Variants in DDC observed in about 807,000 individuals in gnomAD.
DDC encodes the protein aromatic-L-amino-acid decarboxylase.
In DDC, 43 loss-of-function variants were observed where a neutral mutation model predicts 60.0. The observed-to-expected ratio is 0.72, with a 90% CI of 0.56 to 0.92. DDC has a LOEUF of 0.92. Among genes scored for constraint, DDC ranks in the 40% least tolerant of loss-of-function variants. DDC has a pLI of 0.00. For missense variants in DDC, 573 were observed against 620.2 expected, an observed-to-expected ratio of 0.92 and a Z score of 0.81; for synonymous variants, 232 against 234.6, an observed-to-expected ratio of 0.99 and a Z score of 0.10.
chr7:50,556,324 C>T (rs531707432), intron 1 of DDC, among the ~76,000 whole-genome samples: 72 of 152,122 alleles, frequency 4.7e-4, no homozygotes, highest in Non-Finnish European at 8.2e-4. Context: ...ATAGACATAG[C>T]CTTCTCTCTA....
At chr7:50,492,071 C>T (rs897232694) in intron 9 of DDC, among the ~76,000 whole-genome samples, 9 of 110,566 alleles carry the variant, frequency 8.1e-5, no homozygotes, top group African/African-American at 2.6e-4. Flanking sequence ...GAAGGAAGAC[C>T]ATGTGAGGAC....
chr7:50,471,769 C>A lies in DDC; in HGVS notation c.1042-1598G>T, dbSNP rs1361889860. On this transcript the variant is annotated intron_variant, in intron 11 of 14. Coordinates refer to ENST00000444124, the MANE Select transcript of DDC (RefSeq NM_001082971.2). ...TCAGCACTGTTTGCAAGCTGTTGGG[C>A]TGCTCAAGAACTAAGCTAACTTGTC... is the stretch of plus-strand genomic sequence containing the variant. 2.0e-5 allele frequency among the ~76,000 whole-genome samples: 3 copies of A among 152,118 alleles called. No homozygotes were observed. In the East Asian group the frequency reaches 5.8e-4, roughly 29 times the overall value.
intron 6 of DDC, among the ~76,000 whole-genome samples, chr7:50,510,967 C>T (rs566744199): frequency 3.9e-4 from 40 of 103,892 alleles, no homozygotes; most frequent in South Asian, 1.1e-3. Context: ...GGCGAAAGAG[C>T]GAGACTCTGT....
chr7:50,483,703 C>T (rs1429932815), intron 9 of DDC, among the ~76,000 whole-genome samples: 2 of 152,100 alleles, frequency 1.3e-5, no homozygotes, highest in African/African-American at 4.8e-5. Flanking sequence ...GAGATCGAGA[C>T]CATCCTGGCT....
At chr7:50,502,439 G>A (rs1236333793) in intron 7 of DDC, among the ~76,000 whole-genome samples, 2 of 152,166 alleles carry the variant, frequency 1.3e-5, no homozygotes, top group African/African-American at 2.4e-5. Context: ...GATAGCCCTA[G>A]GGAATTACAT....
chr7:50,490,336 T>C (rs1004551674), intron 9 of DDC, among the ~76,000 whole-genome samples: 2 of 152,178 alleles, frequency 1.3e-5, no homozygotes, highest in Non-Finnish European at 1.5e-5. Context: ...CAGGTATCTA[T>C]AGGCACAGAA....
At chr7:50,463,499 G>A (rs2079954155) in intron 13 of DDC, 68 bp from the exon 14 acceptor site, 2 of 1,369,078 alleles carry the variant, frequency 1.5e-6, no homozygotes, top group African/African-American at 1.4e-5. Flanking sequence ...TGGTCATGTA[G>A]GAAAGACAGT....
At chr7:50,560,714 T>G (rs2045324359) in intron 1 of DDC, among the ~76,000 whole-genome samples, 1 of 152,182 alleles carries the variant, frequency 6.6e-6, no homozygotes, top group African/African-American at 2.4e-5. Flanking sequence ...GCTCTAGGAA[T>G]GTGGCCTAAA....
At chr7:50,492,244 T>C (rs1338229008) in intron 9 of DDC, among the ~76,000 whole-genome samples, 1 of 152,228 alleles carries the variant, frequency 6.6e-6, no homozygotes, top group African/African-American at 2.4e-5. Flanking sequence ...AGCCAACTAA[T>C]GCAGGCACAG....
intron 1 of DDC, among the ~76,000 whole-genome samples, chr7:50,553,123 G>T (rs943236750): frequency 2.6e-5 from 4 of 152,242 alleles, no homozygotes; most frequent in African/African-American, 7.2e-5. Context: ...TGAGGTAGTG[G>T]ATTCCTCACA....
chr7:50,537,361 C>T (rs1463322435), intron 4 of DDC, among the ~76,000 whole-genome samples: 1 of 152,256 alleles, frequency 6.6e-6, no homozygotes, highest in East Asian at 1.9e-4. Flanking sequence ...GAGTCTGTAG[C>T]TGGAAGCCAT....
At chr7:50,477,294 G>A (rs11575474) in intron 10 of DDC, among the ~76,000 whole-genome samples, 4 of 152,312 alleles carry the variant, frequency 2.6e-5, no homozygotes, top group African/African-American at 9.6e-5. Flanking sequence ...GCTCAGAGAC[G>A]GGAGTTTCTA....
intron 9 of DDC, among the ~76,000 whole-genome samples, chr7:50,486,026 T>C (rs1410668667): frequency 1.3e-5 from 2 of 152,242 alleles, no homozygotes; most frequent in Non-Finnish European, 2.9e-5. Flanking sequence ...GAAGGGATGC[T>C]GTGTTCCACC....
At chr7:50,557,355 C>A (rs1036456369) in intron 1 of DDC, among the ~76,000 whole-genome samples, 1 of 152,196 alleles carries the variant, frequency 6.6e-6, no homozygotes, top group Admixed American at 6.5e-5. Context: ...ATCTCTGTAA[C>A]CATGCTGTGA....
At chr7:50,509,977 C>T (rs1178749140) in intron 6 of DDC, among the ~76,000 whole-genome samples, 2 of 148,630 alleles carry the variant, frequency 1.3e-5, no homozygotes, top group Non-Finnish European at 3.0e-5. Flanking sequence ...ACTTACGTAT[C>T]TTTTTTTTTT....
chr7:50,528,076 T>C, intron 6 of DDC, 61 bp downstream of exon 6: 1 of 1,585,418 alleles, frequency 6.3e-7, no homozygotes, highest in Non-Finnish European at 8.6e-7. Context: ...TTTTTTTGTA[T>C]TTTTAGTAGA....
intron 1 of DDC, among the ~76,000 whole-genome samples, chr7:50,545,252 A>C (rs1265680198): frequency 6.6e-6 from 1 of 152,232 alleles, no homozygotes; most frequent in African/African-American, 2.4e-5. Context: ...TACGTCCCTG[A>C]GTGGTCTCAA....
At chr7:50,472,395 C>G (rs1282690122) in intron 11 of DDC, among the ~76,000 whole-genome samples, 1 of 152,152 alleles carries the variant, frequency 6.6e-6, no homozygotes, top group East Asian at 1.9e-4. Context: ...TGATGCTTCC[C>G]GGACATCAAA....
intron 1 of DDC, among the ~76,000 whole-genome samples, chr7:50,551,022 C>T (rs1463607738): frequency 6.6e-6 from 1 of 152,112 alleles, no homozygotes; most frequent in Non-Finnish European, 1.5e-5. Context: ...TGCACACTTT[C>T]TTTTGCATTA....
Sources: allele counts gnomAD v4.1 joint callset (sites outside exome capture counted in the v4.1 genomes callset), GRCh38; gene constraint gnomAD v4.1.1; transcripts MANE v1.5; gene names NCBI Gene and HGNC (gene_info 2026-07-23, HGNC 2026-07-21).